REM1: variants seen among roughly 807,000 people sequenced by gnomAD.
REM1 encodes RRAD and GEM like GTPase 1, also known as GTP-binding protein REM 1.
REM1 carries 20 observed loss-of-function variants against 27.0 expected under a neutral mutation model. That is an observed-to-expected ratio of 0.74 (90% confidence interval 0.52 to 1.08). The LOEUF (loss-of-function observed/expected upper bound fraction) is 1.08. Among genes scored for constraint, REM1 ranks in the 50% least tolerant of loss-of-function variants. REM1 has a pLI of 0.00. For synonymous variants in REM1, 159 were observed against 167.9 expected, an observed-to-expected ratio of 0.95 and a Z score of 0.41; for missense variants, 405 against 407.0, an observed-to-expected ratio of 1.00 and a Z score of 0.04.
At chr20:31,479,083 C>CCT (rs1011444196) in intron 3 of REM1, among the ~76,000 whole-genome samples, 1 of 152,186 alleles carries the variant, frequency 6.6e-6, no homozygotes, top group African/African-American at 2.4e-5. Flanking sequence ...GATCCACCCG[C>CCT]CTCGGCCTTC....
chr20:31,480,228 T>TAGATAGAC (rs1291751741), intron 3 of REM1, among the ~76,000 whole-genome samples: 102 of 121,128 alleles, frequency 8.4e-4, no homozygotes, highest in African/African-American at 2.5e-3. Flanking sequence ...GATAGATAGA[T>TAGATAGAC]AGACAGATAC....
At chr20:31,476,203 C>T in intron 1 of REM1, 24 bp from the exon 2 acceptor site, 1 of 517,230 alleles carries the variant, frequency 1.9e-6, no homozygotes, top group Non-Finnish European at 3.4e-6. Flanking sequence ...AGCCTGCACA[C>T]TCACTCCTTC....
intron 3 of REM1, among the ~76,000 whole-genome samples, chr20:31,478,755 A>G (rs1450512408): frequency 6.6e-6 from 1 of 152,150 alleles, no homozygotes; most frequent in Non-Finnish European, 1.5e-5. Context: ...CGGTTAAATA[A>G]TAATAATAAT....
chr20:31,484,109 C>T, intron 4 of REM1, 50 bp from the exon 5 acceptor site: 1 of 1,505,364 alleles, frequency 6.6e-7, no homozygotes. Context: ...ACCTTTTTCT[C>T]CGCCTTCCGT....
chr20:31,482,955 A>C (rs1389290703), intron 4 of REM1, among the ~76,000 whole-genome samples: 1 of 152,184 alleles, frequency 6.6e-6, no homozygotes, highest in Non-Finnish European at 1.5e-5. Context: ...GCAACACAGC[A>C]AGACCTTCTC....
Position 31,482,525 on chromosome 20 carries a change from G to A in REM1, c.625+37G>A, listed in dbSNP as rs376297179. The A allele has an allele frequency of 7.5e-6, 12 of 1,595,564 alleles. No homozygotes were observed. In the African/African-American group the frequency reaches 1.5e-4, roughly 20 times the overall value. ...ATCCCACCACCTCCTCTTCACCTGG[G>A]CCCCACTGTCATGGCTGCTCCTCCA... On this transcript the variant is annotated intron_variant, in intron 4 of 4. Coordinates refer to ENST00000201979, the MANE Select transcript of REM1 (RefSeq NM_014012.6).
At position 31,476,549 on chromosome 20, in the gene REM1, C is replaced by G; in HGVS notation, c.104C>G (p.Thr35Arg). The G allele has an allele frequency of 6.2e-7, 1 of 1,614,178 alleles. No individual in the cohort carries two copies. Among genetic ancestry groups the G allele is most frequent in the Non-Finnish European group, 8.5e-7 (1 of 1,180,012 alleles). ...GGCCACCAGCCTGGCCGCCTGAGCA[C>G]AGTGCCTTCCACTCAATCCCAGCAT... ...PRGHQPGRLS[T>R]VPSTQSQHPR... Residue 35 changes from threonine (T) to arginine (R), a missense_variant, in exon 2 of 5, where the codon ACA becomes AGA. Physicochemically the swap from Thr to Arg is moderately conservative, Grantham distance 71. Transcript: ENST00000201979.
chr20:31,478,580 A>G (rs1338952964), intron 3 of REM1, among the ~76,000 whole-genome samples: 1 of 152,188 alleles, frequency 6.6e-6, no homozygotes, highest in African/African-American at 2.4e-5. Flanking sequence ...CTTTTGCTAC[A>G]TGGGTAATAC....
At chr20:31,481,724 T>G (rs1261651774) in intron 3 of REM1, among the ~76,000 whole-genome samples, 1 of 152,164 alleles carries the variant, frequency 6.6e-6, no homozygotes, top group East Asian at 1.9e-4. Context: ...GTCAAACAAC[T>G]TGAAAGGACT....
intron 3 of REM1, among the ~76,000 whole-genome samples, chr20:31,480,901 C>A (rs2122477772): frequency 6.6e-6 from 1 of 152,166 alleles, no homozygotes; most frequent in East Asian, 1.9e-4. Context: ...GAGAACTTAC[C>A]CCCCTTTGAC....
In REM1 at chr20:31,476,301, C is replaced by T. The variant is rs1006882251; in HGVS notation, c.-145C>T. ...AAGCTGAGGCACCTCCTACTCCCAT[C>T]TGAACAAGAGGGGGATCTGGAAGAA... On this transcript the variant is annotated 5_prime_UTR_variant, in exon 2 of 5. Coordinates refer to ENST00000201979, the MANE Select transcript of REM1 (RefSeq NM_014012.6). The T allele has an allele frequency of 1.5e-6, 1 of 689,336 alleles. No homozygotes were observed. Among genetic ancestry groups the T allele is most frequent in the African/African-American group, 1.8e-5 (1 of 55,638 alleles). The allele number at this position is 689,336 out of a possible 1,614,324, so 42.7% of individuals were successfully genotyped here. A position where few individuals can be genotyped will look rare whatever the true frequency, so the allele number is the denominator to read the frequency against.
At chr20:31,480,823 T>C (rs536817742) in intron 3 of REM1, among the ~76,000 whole-genome samples, 11 of 152,320 alleles carry the variant, frequency 7.2e-5, no homozygotes, top group African/African-American at 2.4e-4. Flanking sequence ...ATACTCAAGG[T>C]TGAGAACCCA....
At chr20:31,482,260 G>A in intron 3 of REM1, 27 bp from the exon 4 acceptor site, 2 of 1,610,472 alleles carry the variant, frequency 1.2e-6, no homozygotes, top group South Asian at 2.2e-5. Flanking sequence ...ACCCTCTGAG[G>A]ATGGGTCTTG....
intron 3 of REM1, among the ~76,000 whole-genome samples, chr20:31,479,081 C>T (rs1980628304): frequency 6.6e-6 from 1 of 152,104 alleles, no homozygotes; most frequent in Non-Finnish European, 1.5e-5. Flanking sequence ...GTGATCCACC[C>T]GCCTCGGCCT....
At position 31,484,353 on chromosome 20, in the gene REM1, C is replaced by G. The variant is rs1328550023; in HGVS notation, c.820C>G (p.Arg274Gly). ...LAQRARRFLA[R>G]LTARSARRRA... ...CCAGCGCGCTCGTCGCTTCCTGGCA[C>G]GCCTGACAGCCCGCAGCGCACGCCG... Residue 274 changes from arginine to glycine, a missense_variant, in exon 5 of 5, where the codon CGC becomes GGC. By Grantham distance (125) the Arg-to-Gly change is moderately radical. Transcript: ENST00000201979. 1.3e-6 allele frequency: 2 copies of G among 1,561,008 alleles called. No homozygotes were observed. Among genetic ancestry groups the G allele is most frequent in the South Asian group, 1.2e-5 (1 of 85,112 alleles).
chr20:31,482,030 G>C (rs566330829), intron 3 of REM1, among the ~76,000 whole-genome samples: 4 of 152,212 alleles, frequency 2.6e-5, no homozygotes, highest in Admixed American at 6.5e-5. Flanking sequence ...TACCCAGCCT[G>C]CAAAAGTATC....
chr20:31,480,282 CAT>C (rs1185055541), intron 3 of REM1, among the ~76,000 whole-genome samples: 32 of 133,792 alleles, frequency 2.4e-4, no homozygotes, highest in South Asian at 1.3e-3. Context: ...TACATACATA[CAT>C]AGATACTACA....
chr20:31,479,393 C>T (rs1437570564), intron 3 of REM1, among the ~76,000 whole-genome samples: 1 of 152,106 alleles, frequency 6.6e-6, no homozygotes, highest in Non-Finnish European at 1.5e-5. Flanking sequence ...GCTGAGAATG[C>T]TATGGGGCAG....
In REM1 at chr20:31,476,847, A is replaced by T. The variant is rs1162860304; in HGVS notation, c.340+62A>T. ...AGGAGCGAAAGCCCTGTCACCAGGG[A>T]CACAGGGCTGCCAAGAACAGTTGTA... is the stretch of plus-strand genomic sequence containing the variant. On this transcript the variant is annotated intron_variant, in intron 2 of 4. Transcript: ENST00000201979. The T allele has an allele frequency of 6.6e-6, 9 of 1,370,194 alleles. No homozygotes were observed. The African/African-American group carries it at 1.2e-4, about 18-fold the overall frequency. 84.9% of individuals were successfully genotyped at this position (1,370,194 alleles called of 1,614,324 possible).
Sources: gnomAD v4.1 joint callset for allele counts (sites outside exome capture counted in the v4.1 genomes callset) on GRCh38, gnomAD v4.1.1 for gene constraint, MANE v1.5 for transcripts, NCBI Gene and HGNC (gene_info 2026-07-23, HGNC 2026-07-21) for gene names.